CFAP61: variants seen among roughly 807,000 people sequenced by gnomAD.
The protein encoded by CFAP61 is cilia and flagella associated protein 61.
A neutral mutation model predicts 135.6 loss-of-function variants in CFAP61; 107 were observed. That is an observed-to-expected ratio of 0.79 (90% confidence interval 0.67 to 0.93). CFAP61 has a LOEUF of 0.93. Ranked by LOEUF, CFAP61 falls within the 40% of genes least tolerant of loss-of-function variation. The probability of loss-of-function intolerance (pLI) is 0.00; values close to 1 mark genes in which losing one functional copy is unlikely to be tolerated. For synonymous variants in CFAP61, 575 were observed against 578.5 expected, an observed-to-expected ratio of 0.99 and a Z score of 0.09; for missense variants, 1,507 against 1,556.2, an observed-to-expected ratio of 0.97 and a Z score of 0.53.
At chr20:20,264,608 G>A (rs1341900150) in intron 21 of CFAP61, among the ~76,000 whole-genome samples, 1 of 152,136 alleles carries the variant, frequency 6.6e-6, no homozygotes, top group Non-Finnish European at 1.5e-5. Context: ...TAATCCATGG[G>A]TTGGTGAATT....
At chr20:20,328,969 T>C (rs967602823) in intron 25 of CFAP61, among the ~76,000 whole-genome samples, 1 of 152,202 alleles carries the variant, frequency 6.6e-6, no homozygotes, top group African/African-American at 2.4e-5. Context: ...AGAAACCCCT[T>C]GGGACCTTAC....
At chr20:20,158,446 A>G (rs2053132157) in intron 9 of CFAP61, among the ~76,000 whole-genome samples, 1 of 152,094 alleles carries the variant, frequency 6.6e-6, no homozygotes, top group Non-Finnish European at 1.5e-5. Flanking sequence ...GCAAATTAAA[A>G]CCACAATCAA....
At chr20:20,269,314 T>G (rs968160473) in intron 21 of CFAP61, among the ~76,000 whole-genome samples, 1 of 150,900 alleles carries the variant, frequency 6.6e-6, no homozygotes, top group Non-Finnish European at 1.5e-5. Context: ...AGACATAATT[T>G]AAAATATATA....
chr20:20,090,915 A>G lies in CFAP61; in HGVS notation c.638A>G (p.Glu213Gly). Residue 213 changes from glutamate (E) to glycine (G), a missense_variant, in exon 7 of 27, where the codon GAA becomes GGA. Physicochemically the swap from Glu to Gly is moderately conservative, Grantham distance 98. Transcript: ENST00000245957. ...ACAATTCTGAAGGAAACTTACGGTG[A>G]ATACTTCCTGGCCGAACTAATAGAG... The part of the protein sequence containing the change: ...YDTILKETYG[E>G]YFLAELIEAQ... The G allele has an allele frequency of 6.2e-7, 1 of 1,614,162 alleles. No homozygotes were observed. Among genetic ancestry groups the G allele is most frequent in the Admixed American group, 1.7e-5 (1 of 60,022 alleles).
intron 22 of CFAP61, among the ~76,000 whole-genome samples, chr20:20,277,998 C>T (rs1308925715): frequency 2.6e-5 from 4 of 152,218 alleles, no homozygotes; most frequent in Non-Finnish European, 5.9e-5. Flanking sequence ...CAGCATTCCT[C>T]CCACCACATT....
chr20:20,215,496 G>A (rs2047987148), intron 17 of CFAP61, among the ~76,000 whole-genome samples: 1 of 152,210 alleles, frequency 6.6e-6, no homozygotes. Flanking sequence ...CATGGGGAGA[G>A]TATTTGGAAG....
chr20:20,076,584 A>G (rs953457052), intron 6 of CFAP61, among the ~76,000 whole-genome samples: 1 of 152,230 alleles, frequency 6.6e-6, no homozygotes, highest in African/African-American at 2.4e-5. Flanking sequence ...TGGAAATAAG[A>G]GTGCATTATG....
At chr20:20,164,736 C>T (rs1333530177) in intron 11 of CFAP61, among the ~76,000 whole-genome samples, 1 of 152,108 alleles carries the variant, frequency 6.6e-6, no homozygotes, top group Admixed American at 6.5e-5. Flanking sequence ...TACCTCTTCA[C>T]CCTGTGTGTT....
intron 3 of CFAP61, 118 bp from the exon 4 acceptor site, chr20:20,074,184 A>AC: frequency 1.3e-6 from 1 of 793,310 alleles, no homozygotes; most frequent in Non-Finnish European, 2.2e-6. Flanking sequence ...TAAAATATCA[A>AC]CCCTAAATGC....
chr20:20,102,104 C>T (rs942869676), intron 8 of CFAP61, among the ~76,000 whole-genome samples: 4 of 152,226 alleles, frequency 2.6e-5, no homozygotes, highest in African/African-American at 9.6e-5. Flanking sequence ...GCCACTCTGA[C>T]CTATGCAGGG....
At chr20:20,294,647 G>T (rs1265664922) in intron 24 of CFAP61, among the ~76,000 whole-genome samples, 2 of 152,288 alleles carry the variant, frequency 1.3e-5, no homozygotes, top group East Asian at 3.9e-4. Context: ...AATACCAAAA[G>T]GTCGGGCGCG....
At chr20:20,148,061 T>G (rs1398167955) in intron 9 of CFAP61, among the ~76,000 whole-genome samples, 3 of 152,196 alleles carry the variant, frequency 2.0e-5, no homozygotes, top group African/African-American at 7.2e-5. Flanking sequence ...AGTTGGCTGT[T>G]AAGTATTTGG....
intron 9 of CFAP61, among the ~76,000 whole-genome samples, chr20:20,156,307 T>C (rs2052904148): frequency 6.6e-6 from 1 of 152,156 alleles, no homozygotes; most frequent in Non-Finnish European, 1.5e-5. Flanking sequence ...AAAAAAACCA[T>C]ATGTTTATCT....
intron 17 of CFAP61, chr20:20,200,822 T>C (rs2056578497): frequency 1.0e-6 from 1 of 985,438 alleles, no homozygotes; most frequent in Non-Finnish European, 1.2e-6. Flanking sequence ...ACCCAGAGCC[T>C]GTCTTACTTG....
At chr20:20,118,370 C>T (rs2146687240) in intron 8 of CFAP61, among the ~76,000 whole-genome samples, 1 of 141,402 alleles carries the variant, frequency 7.1e-6, no homozygotes, top group East Asian at 2.3e-4. Flanking sequence ...AACAGGGTTT[C>T]ACCCTTGTTG....
intron 22 of CFAP61, among the ~76,000 whole-genome samples, chr20:20,280,183 TAGAG>T (rs2054091861): frequency 6.6e-6 from 1 of 152,274 alleles, no homozygotes; most frequent in South Asian, 2.1e-4. Flanking sequence ...TGTCCTTAAA[TAGAG>T]AGATTTGATG....
intron 21 of CFAP61, among the ~76,000 whole-genome samples, chr20:20,268,384 C>T (rs1047086711): frequency 5.9e-5 from 9 of 152,324 alleles, no homozygotes; most frequent in African/African-American, 2.2e-4. Context: ...GCATCAAGAA[C>T]AAGAGATACT....
intron 25 of CFAP61, among the ~76,000 whole-genome samples, chr20:20,338,544 G>A (rs1264377173): frequency 6.6e-6 from 1 of 152,214 alleles, no homozygotes; most frequent in Non-Finnish European, 1.5e-5. Flanking sequence ...GGACCGCCAC[G>A]CTGTGCCAAT....
At chr20:20,208,067 C>G (rs943249246) in intron 17 of CFAP61, among the ~76,000 whole-genome samples, 5 of 152,188 alleles carry the variant, frequency 3.3e-5, no homozygotes, top group Admixed American at 1.3e-4. Context: ...ACATCCTGTC[C>G]CGGATGATCT....
Sources: gnomAD v4.1 joint callset for allele counts (sites outside exome capture counted in the v4.1 genomes callset) on GRCh38, gnomAD v4.1.1 for gene constraint, MANE v1.5 for transcripts, NCBI Gene and HGNC (gene_info 2026-07-23, HGNC 2026-07-21) for gene names.